The following CPVL variants were observed in gnomAD, a reference collection of about 807,000 sequenced individuals.
CPVL encodes carboxypeptidase vitellogenic like, also known as probable serine carboxypeptidase CPVL.
Under a neutral mutation model 63.7 loss-of-function variants are expected in CPVL, and 51 were observed. That is an observed-to-expected ratio of 0.80 (90% CI 0.64 to 1.01). The LOEUF (loss-of-function observed/expected upper bound fraction) is 1.01. CPVL is among the 50% of genes least tolerant of loss of function. CPVL has a pLI of 0.00. For synonymous variants in CPVL, 195 were observed against 206.0 expected (o/e 0.95, Z 0.46); for missense variants, 530 against 573.1 (o/e 0.92, Z 0.77).
intron 11 of CPVL, among the ~76,000 whole-genome samples, chr7:29,047,075 T>C (rs961370259): frequency 1.3e-5 from 2 of 152,232 alleles, no homozygotes; most frequent in African/African-American, 4.8e-5. Flanking sequence ...CGTCATTCCA[T>C]CCTTTCTTTT....
intron 11 of CPVL, among the ~76,000 whole-genome samples, chr7:29,062,431 C>T (rs200620573): frequency 1.3e-5 from 2 of 152,208 alleles, no homozygotes; most frequent in East Asian, 3.8e-4. Flanking sequence ...GAAATGCTGG[C>T]CTGACCTAGT....
At chr7:29,140,953 A>G (rs902752053) in intron 1 of CPVL, among the ~76,000 whole-genome samples, 6 of 152,166 alleles carry the variant, frequency 3.9e-5, no homozygotes, top group Non-Finnish European at 8.8e-5. Context: ...AACTCAGGGA[A>G]GTAGGAAGGT....
chr7:29,032,737 C>A (rs1156409394), intron 11 of CPVL, among the ~76,000 whole-genome samples: 1 of 152,204 alleles, frequency 6.6e-6, no homozygotes, highest in African/African-American at 2.4e-5. Context: ...CTCTCCATGG[C>A]CACTACAGGC....
intron 12 of CPVL, among the ~76,000 whole-genome samples, chr7:29,003,814 C>T (rs966442138): frequency 6.6e-6 from 1 of 152,134 alleles, no homozygotes; most frequent in African/African-American, 2.4e-5. Context: ...ATTAGATTCT[C>T]ATGAGAAGCG....
chr7:29,016,215 G>A (rs1343145204), intron 12 of CPVL, among the ~76,000 whole-genome samples: 2 of 152,056 alleles, frequency 1.3e-5, no homozygotes, highest in Non-Finnish European at 2.9e-5. Context: ...GCCAGATGTG[G>A]TGGTGGGGAC....
chr7:29,062,981 G>A (rs568724485), intron 11 of CPVL, among the ~76,000 whole-genome samples: 40 of 152,248 alleles, frequency 2.6e-4, no homozygotes, highest in Non-Finnish European at 4.6e-4. Context: ...CCCTAGAGAC[G>A]ATCCCTTGGG....
At chr7:29,018,053 C>T (rs565082049) in intron 12 of CPVL, among the ~76,000 whole-genome samples, 1 of 152,232 alleles carries the variant, frequency 6.6e-6, no homozygotes, top group African/African-American at 2.4e-5. Flanking sequence ...TTGATATTGA[C>T]AGTGAAAACA....
intron 5 of CPVL, among the ~76,000 whole-genome samples, chr7:29,178,861 A>C (rs1238375641): frequency 6.6e-6 from 1 of 152,236 alleles, no homozygotes; most frequent in Non-Finnish European, 1.5e-5. Context: ...GGTTTGCCAC[A>C]AATTTGACCA....
intron 11 of CPVL, among the ~76,000 whole-genome samples, chr7:29,044,644 C>T (rs976567004): frequency 2.0e-5 from 3 of 152,130 alleles, no homozygotes; most frequent in Non-Finnish European, 2.9e-5. Flanking sequence ...GGAGTAGCCA[C>T]TACAGCATGT....
At chr7:29,097,857 G>C (rs1232119061) in intron 3 of CPVL, among the ~76,000 whole-genome samples, 1 of 152,190 alleles carries the variant, frequency 6.6e-6, no homozygotes, top group East Asian at 1.9e-4. Context: ...ATCCAGCCAG[G>C]AGCAGAGCCA....
At chr7:29,154,254 G>A (rs918521659) in intron 5 of CPVL, among the ~76,000 whole-genome samples, 4 of 152,190 alleles carry the variant, frequency 2.6e-5, no homozygotes, top group African/African-American at 9.6e-5. Context: ...GCAGCTCTGA[G>A]TAAGTGAAGG....
intron 11 of CPVL, among the ~76,000 whole-genome samples, chr7:29,057,938 G>A (rs1262659518): frequency 6.6e-6 from 1 of 152,152 alleles, no homozygotes; most frequent in African/African-American, 2.4e-5. Context: ...TTTATGGTAA[G>A]TCTTGAAGTT....
intron 1 of CPVL, among the ~76,000 whole-genome samples, chr7:29,135,571 A>T (rs558801112): frequency 1.3e-5 from 2 of 152,230 alleles, no homozygotes; most frequent in African/African-American, 4.8e-5. Flanking sequence ...TGACCTCGTG[A>T]TCCACCCACC....
rs1285193064 is a variant in CPVL, at chr7:29,064,095, TTAAC to T, written c.1099_1102del (p.Val367SerfsTer4). On this transcript the variant is annotated frameshift_variant, in exon 11 of 13. Coordinates refer to ENST00000265394, the MANE Select transcript of CPVL (RefSeq NM_031311.5). LOFTEE classifies it high-confidence loss of function. ...ATTCATGATTTCAGTTAACCATGGC[TTAAC>T]TGACTGTACTGTATCTTCTCGCAAG... 1 of 1,613,136 alleles carries T rather than the reference TTAAC, an allele frequency of 6.2e-7. No individual in the cohort carries two copies. Among genetic ancestry groups the T allele is most frequent in the Non-Finnish European group, 8.5e-7 (1 of 1,179,336 alleles).
At position 29,157,073 on chromosome 7, in the gene CPVL, G is replaced by A. The variant is rs571545101; in HGVS notation, c.-11+24217C>T. ...AGGAAGCCAGCCTCCTAGCTGCACC[G>A]ACAAATTGTAGGGAAATGAAAAGGC... On this transcript the variant is annotated intron_variant, in intron 5 of 16. Transcript: ENST00000409850. 3.9e-5 allele frequency among the ~76,000 whole-genome samples: 6 copies of A among 152,290 alleles called. No homozygotes were observed. In the South Asian group the frequency reaches 8.3e-4, roughly 21 times the overall value.
chr7:29,167,567 C>G (rs1313285202), intron 5 of CPVL, among the ~76,000 whole-genome samples: 2 of 152,292 alleles, frequency 1.3e-5, no homozygotes, highest in East Asian at 3.9e-4. Flanking sequence ...TATGAATTTT[C>G]AACTTTGCTA....
intron 11 of CPVL, among the ~76,000 whole-genome samples, chr7:29,050,219 G>A (rs992354824): frequency 1.1e-4 from 17 of 152,194 alleles, no homozygotes; most frequent in African/African-American, 4.1e-4. Context: ...AACTGTCACT[G>A]TTTGCTGATG....
At chr7:29,092,561 T>G in intron 6 of CPVL, 62 bp downstream of exon 6, 2 of 1,148,078 alleles carry the variant, frequency 1.7e-6, no homozygotes, top group Non-Finnish European at 2.6e-6. Flanking sequence ...AGAATAATTT[T>G]CCTATTGAGA....
At chr7:28,998,563 G>A (rs1331973452) in intron 12 of CPVL, among the ~76,000 whole-genome samples, 2 of 152,166 alleles carry the variant, frequency 1.3e-5, no homozygotes, top group Admixed American at 6.5e-5. Context: ...AGGAGTTAGT[G>A]GAATAATGTC....
Sources: gnomAD v4.1 joint callset for allele counts (sites outside exome capture counted in the v4.1 genomes callset) on GRCh38, gnomAD v4.1.1 for gene constraint, MANE v1.5 for transcripts, NCBI Gene and HGNC (gene_info 2026-07-23, HGNC 2026-07-21) for gene names.